Variants in PCDH9 observed in about 807,000 individuals in gnomAD.
The protein encoded by PCDH9 is protocadherin-9.
Under a neutral mutation model 70.6 loss-of-function variants are expected in PCDH9, and 24 were observed. The observed-to-expected ratio is 0.34, with a 90% CI of 0.25 to 0.48. The LOEUF is 0.48. Among genes scored for constraint, PCDH9 ranks in the 20% least tolerant of loss-of-function variants. The pLI is 0.99. For synonymous variants in PCDH9, 562 were observed against 558.5 expected, an observed-to-expected ratio of 1.01 and a Z score of -0.09; for missense variants, 1,281 against 1,503.6, an observed-to-expected ratio of 0.85 and a Z score of 2.45.
intron 4 of PCDH9, among the ~76,000 whole-genome samples, chr13:66,383,316 G>C (rs1027124485): frequency 6.6e-6 from 1 of 152,096 alleles, no homozygotes; most frequent in African/African-American, 2.4e-5. Flanking sequence ...CATAACATTG[G>C]TTTTAAAGAA....
intron 4 of PCDH9, among the ~76,000 whole-genome samples, chr13:66,489,995 T>C (rs945941379): frequency 3.9e-5 from 6 of 152,316 alleles, no homozygotes; most frequent in African/African-American, 1.4e-4. Context: ...TCTTTTTCTA[T>C]TGTACTTTAA....
intron 3 of PCDH9, among the ~76,000 whole-genome samples, 198 bp downstream of exon 3, chr13:66,903,305 GA>G (rs1017105072): frequency 2.0e-5 from 3 of 148,730 alleles, no homozygotes; most frequent in Non-Finnish European, 3.0e-5. Context: ...TTACTCAACA[GA>G]AAAAAAAAGA....
intron 2 of PCDH9, among the ~76,000 whole-genome samples, chr13:67,114,652 G>A (rs2086724677): frequency 1.3e-5 from 2 of 152,206 alleles, no homozygotes; most frequent in Middle Eastern, 3.4e-3. Flanking sequence ...TTACAAATAC[G>A]GAGTTTTACA....
At chr13:66,570,052 T>C (rs2076711000) in intron 4 of PCDH9, among the ~76,000 whole-genome samples, 2 of 152,248 alleles carry the variant, frequency 1.3e-5, no homozygotes, top group Admixed American at 1.3e-4. Flanking sequence ...AGAACTGCTA[T>C]TACCATGGAA....
In PCDH9 at chr13:67,227,606, C is replaced by T; in HGVS notation, c.835G>A (p.Ala279Thr). 1.9e-6 allele frequency: 3 copies of T among 1,614,058 alleles called. No individual in the cohort carries two copies. Among genetic ancestry groups the T allele is most frequent in the Non-Finnish European group, 2.5e-6 (3 of 1,179,924 alleles). The change falls in exon 2 of 5, where the codon GCA becomes ACA. Residue 279 changes from alanine (A) to threonine (T), a missense_variant. Around this residue, in one of 4 missense-constraint regions of PCDH9, gnomAD observed 798 missense variants for 1,003.1 expected, o/e 0.80. Transcript: ENST00000377865. This position sits in a 1 kb window ranked among gnomAD's most constrained non-coding sequence, Gnocchi z 4.6. ...ATTTCAGCATTACTGCCTATATCTGCATCAGTGGCATGGAGCTGAATTACA... is the reference window on the plus strand; with the variant it reads ...ATTTCAGCATTACTGCCTATATCTGTATCAGTGGCATGGAGCTGAATTACA... ...TSVIQLHATDADIGSNAEIRY... is the reference protein window; with the variant it reads ...TSVIQLHATDTDIGSNAEIRY...
intron 3 of PCDH9, among the ~76,000 whole-genome samples, chr13:66,827,462 G>C (rs2080845786): frequency 6.6e-6 from 1 of 151,972 alleles, no homozygotes; most frequent in African/African-American, 2.4e-5. Flanking sequence ...AAAAATAAAG[G>C]CTCTCAGAGG....
chr13:66,373,511 A>G (rs1178797287), intron 4 of PCDH9, among the ~76,000 whole-genome samples: 2 of 152,022 alleles, frequency 1.3e-5, no homozygotes, highest in African/African-American at 4.8e-5. Context: ...CTTTATTGCA[A>G]CTAAATTTTT....
intron 3 of PCDH9, among the ~76,000 whole-genome samples, chr13:66,773,240 A>G (rs2079836634): frequency 6.6e-6 from 1 of 152,186 alleles, no homozygotes; most frequent in Non-Finnish European, 1.5e-5. Flanking sequence ...GAAATGTTCT[A>G]TATATATGTG....
intron 4 of PCDH9, among the ~76,000 whole-genome samples, chr13:66,550,382 G>T (rs1289049886): frequency 6.6e-6 from 1 of 151,962 alleles, no homozygotes; most frequent in Non-Finnish European, 1.5e-5. Context: ...GAGACTTCTG[G>T]TTTTTCCCTA....
chr13:66,652,502 T>C (rs1293117001), intron 3 of PCDH9, among the ~76,000 whole-genome samples: 1 of 151,804 alleles, frequency 6.6e-6, no homozygotes, highest in Non-Finnish European at 1.5e-5. Flanking sequence ...AAAGGAAAGA[T>C]ATCTATGTTC....
chr13:67,226,239 G>A lies in PCDH9; in HGVS notation c.2202C>T (p.Asn734=), dbSNP rs2089866972. ...GTGCTGGTTTTTCTTCCAGAGTAAT[G>A]TTACCTGTTACTGGATCAATCCGGA... ...GLFRIDPVTG[N]ITLEEKPAPT... Residue 734 remains asparagine, a synonymous_variant, in exon 2 of 5, where the codon AAC becomes AAT. Transcript: ENST00000377865. This position sits in a 1 kb window ranked among gnomAD's most constrained non-coding sequence, Gnocchi z 5.0. The A allele has an allele frequency of 1.2e-6, 2 of 1,614,094 alleles. No homozygotes were observed. The highest frequency in any genetic ancestry group is 1.3e-5 in the African/African-American group (1 of 75,028).
chr13:66,590,227 A>G (rs1318007851), intron 4 of PCDH9, among the ~76,000 whole-genome samples: 3 of 152,024 alleles, frequency 2.0e-5, no homozygotes, highest in African/African-American at 7.2e-5. Context: ...AGTATGATTT[A>G]AACTAACGAA....
intron 4 of PCDH9, among the ~76,000 whole-genome samples, chr13:66,402,521 A>G (rs1430492226): frequency 6.6e-6 from 1 of 152,064 alleles, no homozygotes; most frequent in Non-Finnish European, 1.5e-5. Context: ...CTAATATAAG[A>G]TTTTAAAGTC....
intron 3 of PCDH9, among the ~76,000 whole-genome samples, chr13:66,659,287 A>T (rs2077973976): frequency 6.6e-6 from 1 of 152,194 alleles, no homozygotes; most frequent in African/African-American, 2.4e-5. Flanking sequence ...AACAGTGCTC[A>T]ATAAGTATTG....
In PCDH9 at chr13:66,303,102, TA is replaced by T. The variant is rs1955396398; in HGVS notation, c.*1552del. 1 of 152,532 alleles carries T rather than the reference TA, an allele frequency of 6.6e-6. No individual in the cohort carries two copies. Among genetic ancestry groups the T allele is most frequent in the African/African-American group, 2.4e-5 (1 of 41,536 alleles). The allele number at this position is 152,532 out of a possible 1,614,324, so 9.4% of individuals were successfully genotyped here. A position where few individuals can be genotyped will look rare whatever the true frequency, so the allele number is the denominator to read the frequency against. On this transcript the variant is annotated 3_prime_UTR_variant, in exon 5 of 5. Transcript: ENST00000377865. The stretch of plus-strand genomic sequence containing the variant: ...CTATCAGATTAGCAAACCTTTTTTT[TA>T]AATTTTTTGTTTTTTTTTTGTTTTT...
chr13:66,545,264 T>G (rs1961135840), intron 4 of PCDH9, among the ~76,000 whole-genome samples: 1 of 152,194 alleles, frequency 6.6e-6, no homozygotes, highest in South Asian at 2.1e-4. Flanking sequence ...TTATCCTGTT[T>G]AAAATATCTG....
chr13:66,560,150 C>A (rs759141036), intron 4 of PCDH9, among the ~76,000 whole-genome samples: 27 of 152,170 alleles, frequency 1.8e-4, no homozygotes, highest in Middle Eastern at 6.8e-3. Context: ...TCCTTACCAA[C>A]AGATAAAGAG....
chr13:66,968,015 A>T (rs2083458991), intron 2 of PCDH9, among the ~76,000 whole-genome samples: 1 of 152,052 alleles, frequency 6.6e-6, no homozygotes, highest in African/African-American at 2.4e-5. Context: ...ACCACCTCAT[A>T]AGGGAAAGCA....
chr13:66,943,548 G>T (rs1156897808), intron 2 of PCDH9, among the ~76,000 whole-genome samples: 3 of 151,996 alleles, frequency 2.0e-5, no homozygotes, highest in African/African-American at 7.2e-5. Flanking sequence ...ACATGAAAAT[G>T]ATCTCCATTA....
Sources: allele counts gnomAD v4.1 joint callset (sites outside exome capture counted in the v4.1 genomes callset), GRCh38; gene constraint gnomAD v4.1.1; regional missense constraint gnomAD v4.1.1; non-coding constraint Gnocchi (gnomAD v3.1); transcripts MANE v1.5; gene names NCBI Gene and HGNC (gene_info 2026-07-23, HGNC 2026-07-21).